The following ERO1B variants were observed in gnomAD, a reference collection of about 807,000 sequenced individuals.
ERO1B encodes the protein ERO1-like protein beta.
In ERO1B, 49 loss-of-function variants were observed where a neutral mutation model predicts 75.3. The observed-to-expected ratio is 0.65, with a 90% CI of 0.52 to 0.83. ERO1B has a LOEUF of 0.83. Ranked by LOEUF, ERO1B falls within the 40% of genes least tolerant of loss-of-function variation. ERO1B has a pLI of 0.00. For synonymous variants in ERO1B, 191 were observed against 192.9 expected (o/e 0.99, Z 0.08); for missense variants, 512 against 560.1 (o/e 0.91, Z 0.87).
chr1:236,229,869 G>A (rs1457017141), intron 10 of ERO1B, among the ~76,000 whole-genome samples: 1 of 152,078 alleles, frequency 6.6e-6, no homozygotes, highest in Non-Finnish European at 1.5e-5. Context: ...TATATAAAAA[G>A]TACTTCCTTC....
chr1:236,240,155 T>C (rs1664663645), intron 6 of ERO1B, among the ~76,000 whole-genome samples: 1 of 152,054 alleles, frequency 6.6e-6, no homozygotes, highest in African/African-American at 2.4e-5. Flanking sequence ...TTCACCTGCC[T>C]CAGCCTCCCA....
Position 236,226,343 on chromosome 1 carries a change from G to A in ERO1B, c.978C>T (p.Val326=), listed in dbSNP as rs777497495. 3.1e-5 allele frequency: 50 copies of A among 1,614,026 alleles called. 1 individual carries two copies. In the East Asian group the frequency reaches 8.0e-4, roughly 26 times the overall value. ...KVAPYFERSI[V]DLYTGNAEED... Reference sequence around the variant, plus strand: ...CTTCTGCATTTCCAGTGTAAAGATCGACAATTGAGCGCTCAAAATATGGAG... The same window carrying A: ...CTTCTGCATTTCCAGTGTAAAGATCAACAATTGAGCGCTCAAAATATGGAG... Residue 326 remains valine (V), a synonymous_variant, in exon 12 of 16, where the codon GTC becomes GTT. Coordinates refer to ENST00000354619, the MANE Select transcript of ERO1B (RefSeq NM_019891.4).
chr1:236,243,052 C>T (rs540746567), intron 6 of ERO1B, among the ~76,000 whole-genome samples: 1 of 152,298 alleles, frequency 6.6e-6, no homozygotes, highest in Admixed American at 6.5e-5. Flanking sequence ...ATTGAAGGTC[C>T]ATGGCAGATG....
intron 8 of ERO1B, among the ~76,000 whole-genome samples, chr1:236,235,176 A>C (rs1206010652): frequency 2.0e-5 from 3 of 152,228 alleles, no homozygotes; most frequent in Non-Finnish European, 4.4e-5. Flanking sequence ...GATATAGAGC[A>C]CTGCTAAAGT....
At chr1:236,249,111 C>T (rs1329553670) in intron 5 of ERO1B, among the ~76,000 whole-genome samples, 3 of 151,388 alleles carry the variant, frequency 2.0e-5, no homozygotes, top group South Asian at 2.1e-4. Flanking sequence ...CTGCAACCTC[C>T]GCCTCCCAGG....
At chr1:236,238,093 G>A (rs188573677) in intron 6 of ERO1B, among the ~76,000 whole-genome samples, 2 of 152,084 alleles carry the variant, frequency 1.3e-5, no homozygotes, top group Non-Finnish European at 2.9e-5. Context: ...CACCTGCCTG[G>A]CACTTTCATG....
intron 9 of ERO1B, among the ~76,000 whole-genome samples, chr1:236,232,294 C>T (rs1022704934): frequency 2.0e-5 from 3 of 152,228 alleles, no homozygotes; most frequent in African/African-American, 7.2e-5. Context: ...CATCTTCCTA[C>T]CCTGGACAAT....
chr1:236,259,554 T>C (rs560581242), intron 2 of ERO1B, among the ~76,000 whole-genome samples: 49 of 152,160 alleles, frequency 3.2e-4, no homozygotes, highest in Non-Finnish European at 5.7e-4. Flanking sequence ...AAAGATGTTC[T>C]ATGCAACTAG....
chr1:236,273,978 CT>C (rs1665657146), intron 1 of ERO1B, among the ~76,000 whole-genome samples: 1 of 132,736 alleles, frequency 7.5e-6, no homozygotes, highest in South Asian at 2.4e-4. Flanking sequence ...GAGCCATATC[CT>C]ATTTTTTTTT....
At chr1:236,232,870 GA>G in intron 8 of ERO1B, 31 bp from the exon 9 acceptor site, 1 of 1,574,460 alleles carries the variant, frequency 6.4e-7, no homozygotes, top group Non-Finnish European at 8.7e-7. Context: ...AAAGATTTTA[GA>G]AAATGTCTTA....
intron 2 of ERO1B, among the ~76,000 whole-genome samples, chr1:236,266,461 G>A (rs187219633): frequency 1.3e-5 from 2 of 152,106 alleles, no homozygotes; most frequent in Non-Finnish European, 2.9e-5. Context: ...AAAATTAGCC[G>A]GGTGTAGTGG....
In ERO1B at chr1:236,281,735, C is replaced by T. The variant is rs865857698; in HGVS notation, c.49G>A (p.Ala17Thr). 6.6e-7 allele frequency: 1 copy of T among 1,515,622 alleles called. No homozygotes were observed. Among genetic ancestry groups the T allele is most frequent in the Non-Finnish European group, 8.8e-7 (1 of 1,135,130 alleles). The allele number at this position is 1,515,622 out of a possible 1,614,324, so 93.9% of individuals were successfully genotyped here. A position where few individuals can be genotyped will look rare whatever the true frequency, so the allele number is the denominator to read the frequency against. Residue 17 changes from alanine (A) to threonine (T), a missense_variant, in exon 1 of 16, where the codon GCG becomes ACG. Transcript: ENST00000354619. ...RAGAGQGVAA[A>T]VQLLVTLSFL... ...CTCAGGGTGACCAGCAGCTGCACCGCGGCCGCTACCCCCTGCCCAGCGCCT... is the reference window on the plus strand; with the variant it reads ...CTCAGGGTGACCAGCAGCTGCACCGTGGCCGCTACCCCCTGCCCAGCGCCT...
At chr1:236,274,495 C>G (rs2102967470) in intron 1 of ERO1B, among the ~76,000 whole-genome samples, 1 of 152,256 alleles carries the variant, frequency 6.6e-6, no homozygotes, top group Middle Eastern at 3.4e-3. Flanking sequence ...CTGCAGAAAT[C>G]AATACTGCTT....
rs1288554457 is a variant in ERO1B at position 236,245,319 on chromosome 1, T to C, written c.432-1824A>G. Among the ~76,000 whole-genome samples, 6 of 19,454 alleles carry C rather than the reference T, an allele frequency of 3.1e-4. 1 individual carries two copies. The highest frequency in any genetic ancestry group is 3.7e-4 in the African/African-American group (4 of 10,878). The allele number at this position is 19,454 out of a possible 152,430, so 12.8% of individuals were successfully genotyped here. Reference sequence around the variant, plus strand: ...CAAAATATATATATATATATATATATATACACACACGTATATATATACGTA... The same window carrying C: ...CAAAATATATATATATATATATATACATACACACACGTATATATATACGTA... On this transcript the variant is annotated intron_variant, in intron 5 of 15. Coordinates refer to ENST00000354619, the MANE Select transcript of ERO1B (RefSeq NM_019891.4).
intron 1 of ERO1B, among the ~76,000 whole-genome samples, chr1:236,270,731 C>G (rs1350830105): frequency 6.6e-6 from 1 of 152,110 alleles, no homozygotes; most frequent in East Asian, 1.9e-4. Context: ...CAGGAATTAT[C>G]CTGAATGAAA....
intron 6 of ERO1B, among the ~76,000 whole-genome samples, chr1:236,238,097 T>C (rs1369537964): frequency 6.6e-6 from 1 of 152,200 alleles, no homozygotes; most frequent in Non-Finnish European, 1.5e-5. Flanking sequence ...TGCCTGGCAC[T>C]TTCATGATGT....
At chr1:236,270,945 G>C (rs558057150) in intron 1 of ERO1B, among the ~76,000 whole-genome samples, 92 of 152,268 alleles carry the variant, frequency 6.0e-4, no homozygotes, top group Non-Finnish European at 8.7e-4. Flanking sequence ...TGACAAAACT[G>C]TTCAGTATTT....
At chr1:236,226,579 A>G in intron 11 of ERO1B, 64 bp from the exon 12 acceptor site, 2 of 1,595,252 alleles carry the variant, frequency 1.3e-6, no homozygotes. Flanking sequence ...TGCTCTAAAG[A>G]ATATGTATTC....
chr1:236,220,601 A>C, intron 15 of ERO1B: 1 of 309,370 alleles, frequency 3.2e-6, no homozygotes, highest in Non-Finnish European at 5.8e-6. Flanking sequence ...TCTCCCTTAC[A>C]AAATTAAGGC....
Sources: gnomAD v4.1 joint callset for allele counts (sites outside exome capture counted in the v4.1 genomes callset) on GRCh38, gnomAD v4.1.1 for gene constraint, MANE v1.5 for transcripts, NCBI Gene and HGNC (gene_info 2026-07-23, HGNC 2026-07-21) for gene names.